The following GNPAT variants were observed in gnomAD, a reference collection of about 807,000 sequenced individuals.
GNPAT encodes glyceronephosphate O-acyltransferase.
In GNPAT, 30 loss-of-function variants were observed where a neutral mutation model predicts 78.4. The ratio of observed to expected loss-of-function variants is 0.38; its 90% CI spans 0.29 to 0.52. GNPAT has a LOEUF of 0.52. GNPAT is among the 20% of genes least tolerant of loss of function. The probability of loss-of-function intolerance (pLI) is 0.84; values close to 1 mark genes in which losing one functional copy is unlikely to be tolerated. For missense variants in GNPAT, 714 were observed against 812.2 expected, an observed-to-expected ratio of 0.88 and a Z score of 1.47; for synonymous variants, 271 against 281.1, an observed-to-expected ratio of 0.96 and a Z score of 0.36.
chr1:231,251,255 T>C, intron 2 of GNPAT, 112 bp downstream of exon 2: 1 of 664,236 alleles, frequency 1.5e-6, no homozygotes, highest in Non-Finnish European at 2.7e-6. Context: ...GCTGTATTCA[T>C]CACATTTATC....
rs1685718713 is a variant in GNPAT at position 231,276,430 on chromosome 1, A to T, written c.1999+234A>T. 1.3e-5 allele frequency among the ~76,000 whole-genome samples: 2 copies of T among 152,234 alleles called. 1 individual carries two copies. Among genetic ancestry groups the T allele is most frequent in the South Asian group, 4.1e-4 (2 of 4,836 alleles). On this transcript the variant is annotated intron_variant, in intron 15 of 15. Transcript: ENST00000366647. ...AGAAGCAGTCTTACACAGTAGAAAG[A>T]GTCAGTCCCTAACATGACTGGTCTC...
At chr1:231,262,415 C>T (rs138998194) in intron 3 of GNPAT, among the ~76,000 whole-genome samples, 208 of 152,222 alleles carry the variant, frequency 1.4e-3, no homozygotes, top group Middle Eastern at 3.4e-3. Context: ...AAACAAAGCA[C>T]GTAAGATAAC....
intron 8 of GNPAT, among the ~76,000 whole-genome samples, chr1:231,266,765 G>T (rs776314226): frequency 6.6e-6 from 1 of 152,172 alleles, no homozygotes; most frequent in Non-Finnish European, 1.5e-5. Context: ...TATTATTTTT[G>T]ACCCTAGAAA....
At chr1:231,264,140 T>A (rs1685305969) in intron 4 of GNPAT, among the ~76,000 whole-genome samples, 1 of 152,250 alleles carries the variant, frequency 6.6e-6, no homozygotes. Context: ...TTCCCTGTGC[T>A]TTTGGTATCA....
At position 231,277,659 on chromosome 1, in the gene GNPAT, G is replaced by A. The variant is rs1397715401; in HGVS notation, c.*117G>A. 2.7e-6 allele frequency: 2 copies of A among 742,432 alleles called. No individual in the cohort carries two copies. Among genetic ancestry groups the A allele is most frequent in the Non-Finnish European group, 5.0e-6 (2 of 402,678 alleles). The allele number at this position is 742,432 out of a possible 1,614,324, so 46.0% of individuals were successfully genotyped here. On this transcript the variant is annotated 3_prime_UTR_variant, in exon 16 of 16. Coordinates refer to ENST00000366647, the MANE Select transcript of GNPAT (RefSeq NM_014236.4). ...ATCCTCTCATACTCCCTGAGACTCT[G>A]AGAACAGTGGACGCAGAGGGAAGAG...
chr1:231,241,293 T>A lies in GNPAT; in HGVS notation c.-86T>A, dbSNP rs1403979345. The A allele has an allele frequency of 1.4e-6, 2 of 1,415,786 alleles. No homozygotes were observed. The highest frequency in any genetic ancestry group is 3.3e-5 in the Admixed American group (2 of 59,786). The allele number at this position is 1,415,786 out of a possible 1,614,324, so 87.7% of individuals were successfully genotyped here. ...CGCCGCCCTAGGCGAAGTAGGGCCG[T>A]CCTGAGCGAAAGAACCGCCCCCAGC... On this transcript the variant is annotated 5_prime_UTR_variant, in exon 1 of 16. Coordinates refer to ENST00000366647, the MANE Select transcript of GNPAT (RefSeq NM_014236.4).
chr1:231,249,484 A>G (rs779316619), intron 1 of GNPAT, among the ~76,000 whole-genome samples: 8 of 152,234 alleles, frequency 5.3e-5, no homozygotes, highest in Non-Finnish European at 1.0e-4. Flanking sequence ...TTATTGACCA[A>G]TTATGCTATA....
intron 2 of GNPAT, among the ~76,000 whole-genome samples, chr1:231,256,171 C>T (rs1270503597): frequency 6.6e-6 from 1 of 152,076 alleles, no homozygotes; most frequent in Non-Finnish European, 1.5e-5. Flanking sequence ...TAAATAATAT[C>T]TATTCCTTCA....
intron 2 of GNPAT, among the ~76,000 whole-genome samples, chr1:231,254,503 G>T (rs370365199): frequency 5.9e-5 from 9 of 151,534 alleles, no homozygotes; most frequent in Non-Finnish European, 7.4e-5. Flanking sequence ...GGGCAGTGGC[G>T]CGATCTCGGC....
intron 4 of GNPAT, among the ~76,000 whole-genome samples, chr1:231,264,019 T>C (rs1479902907): frequency 6.6e-6 from 1 of 152,220 alleles, no homozygotes; most frequent in African/African-American, 2.4e-5. Context: ...TTGCAAATAT[T>C]ATCTTCCATT....
chr1:231,248,567 G>GA (rs539895087), intron 1 of GNPAT, among the ~76,000 whole-genome samples: 415 of 138,928 alleles, frequency 3.0e-3, no homozygotes, highest in Middle Eastern at 3.8e-3. Context: ...CGTCTCTATT[G>GA]AAAAAAAAAA....
chr1:231,272,851 C>A (rs2102825543), intron 11 of GNPAT, among the ~76,000 whole-genome samples: 2 of 152,220 alleles, frequency 1.3e-5, no homozygotes, highest in Middle Eastern at 6.8e-3. Context: ...TGCCTGTAGT[C>A]CCAGCTACTC....
chr1:231,268,053 A>C, intron 9 of GNPAT, 150 bp downstream of exon 9: 1 of 687,510 alleles, frequency 1.5e-6, no homozygotes, highest in South Asian at 1.5e-5. Flanking sequence ...CTGTAATCCC[A>C]GCACTTTGGG....
At position 231,270,750 on chromosome 1, in the gene GNPAT, G is replaced by C. The variant is rs776118687; in HGVS notation, c.1280-8G>C. 6.2e-7 allele frequency: 1 copy of C among 1,613,870 alleles called. No homozygotes were observed. The highest frequency in any genetic ancestry group is 1.7e-5 in the Admixed American group (1 of 60,004). Reference sequence around the variant, plus strand: ...CATCTTGTTTGAATGAATTGTCTTTGTGTGTAGATAATAAACCTGCTGAAG... The same window carrying C: ...CATCTTGTTTGAATGAATTGTCTTTCTGTGTAGATAATAAACCTGCTGAAG... On this transcript the variant is annotated splice_region_variant and splice_polypyrimidine_tract_variant and intron_variant, in intron 9 of 15. Transcript: ENST00000366647.
At chr1:231,276,289 G>A (rs1685713214) in intron 15 of GNPAT, 93 bp downstream of exon 15, 1 of 718,514 alleles carries the variant, frequency 1.4e-6, no homozygotes, top group Admixed American at 2.0e-5. Context: ...TTATCAAAAT[G>A]ATCAGTAAGT....
At chr1:231,270,523 T>C (rs1685532957) in intron 9 of GNPAT, among the ~76,000 whole-genome samples, 1 of 152,150 alleles carries the variant, frequency 6.6e-6, no homozygotes, top group Non-Finnish European at 1.5e-5. Context: ...CTGACAAATT[T>C]TGGGGGTAAG....
chr1:231,245,348 G>T lies in GNPAT; in HGVS notation c.78+3892G>T, dbSNP rs556238288. ...TGACCTCCAACTCTTGAGCTCAAGT[G>T]ATCCTCCCTCCTCAGCCTCCCAGTA... On this transcript the variant is annotated intron_variant, in intron 1 of 15. Coordinates refer to ENST00000366647, the MANE Select transcript of GNPAT (RefSeq NM_014236.4). Among the ~76,000 whole-genome samples the T allele has an allele frequency of 1.9e-3, 292 of 152,118 alleles. 2 individuals carry two copies. Among genetic ancestry groups the T allele is most frequent in the Non-Finnish European group, 2.3e-3 (157 of 67,998 alleles).
chr1:231,249,596 A>C lies in GNPAT; in HGVS notation c.79-1365A>C, dbSNP rs188532011. On this transcript the variant is annotated intron_variant, in intron 1 of 15. Transcript: ENST00000366647. ...GGGAGACAGACATGCATACAATTAC[A>C]GTGTTGTGGGATACATACCATAATA... 1.1e-4 allele frequency among the ~76,000 whole-genome samples: 17 copies of C among 152,352 alleles called. No individual in the cohort carries two copies. In the East Asian group the frequency reaches 2.5e-3, roughly 22 times the overall value.
rs373702989 is a variant in GNPAT at position 231,272,333 on chromosome 1, G to A, written c.1544G>A (p.Arg515His). The A allele has an allele frequency of 2.2e-5, 35 of 1,588,682 alleles. No individual in the cohort carries two copies. Among genetic ancestry groups the A allele is most frequent in the Middle Eastern group, 1.7e-4 (1 of 6,012 alleles). ...FRKEDVYSCFRFLRDVFADEF... is the reference protein window; with the variant it reads ...FRKEDVYSCFHFLRDVFADEF... ...CCAGAGGATGTCTACAGTTGCTTTC[G>A]CTTCCTACGTGATGTTTTTGCAGAT... Residue 515 changes from arginine (R) to histidine (H), a missense_variant, in exon 11 of 16, where the codon CGC becomes CAC. Physicochemically the swap from Arg to His is conservative, Grantham distance 29. Transcript: ENST00000366647.
Sources: gnomAD v4.1 joint callset for allele counts (sites outside exome capture counted in the v4.1 genomes callset) on GRCh38, gnomAD v4.1.1 for gene constraint, MANE v1.5 for transcripts, NCBI Gene and HGNC (gene_info 2026-07-23, HGNC 2026-07-21) for gene names.